Variants in ABCC11 observed in about 807,000 individuals in gnomAD.
The protein encoded by ABCC11 is ATP-binding cassette sub-family C member 11.
In ABCC11, 135 loss-of-function variants were observed where a neutral mutation model predicts 149.3. That is an observed-to-expected ratio of 0.90 (90% CI 0.79 to 1.04). The LOEUF (loss-of-function observed/expected upper bound fraction) is 1.04, where lower values mean the gene tolerates loss of function less well. ABCC11 is among the 50% of genes least tolerant of loss of function. ABCC11 has a pLI of 0.00. For synonymous variants in ABCC11, 665 were observed against 671.4 expected (o/e 0.99, Z 0.15); for missense variants, 1,680 against 1,722.1 (o/e 0.98, Z 0.43).
At chr16:48,174,066 C>T (rs1965882366) in intron 26 of ABCC11, among the ~76,000 whole-genome samples, 1 of 152,196 alleles carries the variant, frequency 6.6e-6, no homozygotes, top group Non-Finnish European at 1.5e-5. Context: ...TCTGGGAAGC[C>T]TTTCTGGATT....
intron 25 of ABCC11, 25 bp from the exon 26 acceptor site, chr16:48,175,442 C>T (rs1486049682): frequency 6.3e-7 from 1 of 1,591,738 alleles, no homozygotes; most frequent in Admixed American, 1.7e-5. Flanking sequence ...ACAAGCGGGG[C>T]CTCAGTTTCC....
intron 5 of ABCC11, 39 bp from the exon 6 acceptor site, chr16:48,222,870 T>G: frequency 6.6e-7 from 1 of 1,522,260 alleles, no homozygotes; most frequent in Non-Finnish European, 9.1e-7. Context: ...CAGACCACCC[T>G]GCCAGACACG....
At chr16:48,190,260 G>A (rs1328901064) in intron 20 of ABCC11, among the ~76,000 whole-genome samples, 2 of 152,110 alleles carry the variant, frequency 1.3e-5, no homozygotes, top group African/African-American at 2.4e-5. Flanking sequence ...ATTCTCTAAT[G>A]TAAGCCTCAT....
At chr16:48,232,679 G>A (rs888612403) in intron 1 of ABCC11, among the ~76,000 whole-genome samples, 18 of 152,226 alleles carry the variant, frequency 1.2e-4, no homozygotes, top group African/African-American at 4.3e-4. Flanking sequence ...TGAAGAGATG[G>A]AAAGAGAAAG....
intron 1 of ABCC11, among the ~76,000 whole-genome samples, chr16:48,235,363 T>C (rs1970635803): frequency 6.6e-6 from 1 of 152,154 alleles, no homozygotes; most frequent in African/African-American, 2.4e-5. Flanking sequence ...TGTTCACAAA[T>C]GTGTCTTTGG....
chr16:48,221,916 CTTT>C (rs747175603), intron 6 of ABCC11, among the ~76,000 whole-genome samples: 2 of 140,818 alleles, frequency 1.4e-5, no homozygotes, highest in Admixed American at 7.2e-5. Context: ...TAATTTTTGT[CTTT>C]TTTTTTTTTT....
chr16:48,240,035 C>T (rs187584418), intron 1 of ABCC11, among the ~76,000 whole-genome samples: 79 of 152,166 alleles, frequency 5.2e-4, no homozygotes, highest in East Asian at 1.7e-3. Context: ...TAGATGCTGG[C>T]GAGGTTGCAG....
At chr16:48,194,571 G>A (rs1385546530) in intron 18 of ABCC11, among the ~76,000 whole-genome samples, 1 of 152,206 alleles carries the variant, frequency 6.6e-6, no homozygotes, top group African/African-American at 2.4e-5. Context: ...CAAGGTGATG[G>A]TATTAGAAAG....
In ABCC11 at chr16:48,230,455, G is replaced by A. The variant is rs1231781480; in HGVS notation, c.218C>T (p.Pro73Leu). The A allele has an allele frequency of 1.2e-6, 2 of 1,609,044 alleles. No individual in the cohort carries two copies. The highest frequency in any genetic ancestry group is 2.2e-5 in the East Asian group (1 of 44,692). ...KYDAALRTMIPFRPKPRFPAP... is the reference protein window; with the variant it reads ...KYDAALRTMILFRPKPRFPAP... Reference sequence around the variant, plus strand: ...GACTCACCTCGGCTTGGGACGGAAGGGAATCATGGTTCTCAAGGCAGCATC... The same window carrying A: ...GACTCACCTCGGCTTGGGACGGAAGAGAATCATGGTTCTCAAGGCAGCATC... The change falls in exon 3 of 30, where the codon CCC becomes CTC. Residue 73 changes from proline to leucine, a missense_variant. Coordinates refer to ENST00000356608, the MANE Select transcript of ABCC11 (RefSeq NM_001370497.1).
rs1968868878 is a variant in ABCC11, at chr16:48,210,947, C to A, written c.1608+1G>T. ...TGCCTGCGTGGCCTGAACAAGGCTA[C>A]CTTGGACACCACCAGGTTGATCTTG... On this transcript the variant is annotated splice_donor_variant, in intron 11 of 29. Transcript: ENST00000356608. LOFTEE classifies it high-confidence loss of function. 6.2e-7 allele frequency: 1 copy of A among 1,613,942 alleles called. No individual in the cohort carries two copies.
At chr16:48,228,116 C>A (rs1009512941) in intron 3 of ABCC11, 152 bp from the exon 4 acceptor site, 4 of 726,318 alleles carry the variant, frequency 5.5e-6, no homozygotes, top group South Asian at 2.2e-5. Flanking sequence ...TCATAAACAA[C>A]AAAAGTGCCC....
intron 1 of ABCC11, among the ~76,000 whole-genome samples, chr16:48,242,111 C>A (rs576343434): frequency 6.6e-6 from 1 of 152,132 alleles, no homozygotes; most frequent in Admixed American, 6.5e-5. Flanking sequence ...AACAGGCAAC[C>A]TACAGAATGG....
chr16:48,170,209 A>T lies in ABCC11; in HGVS notation c.3787T>A (p.Phe1263Ile), dbSNP rs1470329533. The T allele has an allele frequency of 1.2e-6, 2 of 1,613,134 alleles. No individual in the cohort carries two copies. The highest frequency in any genetic ancestry group is 1.3e-5 in the African/African-American group (1 of 74,896). ...RTFLTKAISK[F>I]PKKLHTDVVE... is the part of the protein sequence containing the mutation. ...ACATCTGTATGCAGCTTTTTGGGGA[A>T]CTTTGAGATCTGCGATATGGGAAGA... Residue 1263 changes from phenylalanine (F) to isoleucine (I), a missense_variant, in exon 28 of 30, where the codon TTC (phenylalanine) becomes ATC (isoleucine). Transcript: ENST00000356608.
At chr16:48,211,676 C>A (rs1241999119) in intron 10 of ABCC11, among the ~76,000 whole-genome samples, 1 of 151,116 alleles carries the variant, frequency 6.6e-6, no homozygotes, top group Non-Finnish European at 1.5e-5. Flanking sequence ...AGACTTCCAT[C>A]TCTTTAAAAA....
At chr16:48,222,483 C>G in intron 6 of ABCC11, 115 bp downstream of exon 6, 1 of 833,124 alleles carries the variant, frequency 1.2e-6, no homozygotes, top group East Asian at 2.6e-5. Context: ...TATTTTCTTT[C>G]TCTTTCTCCT....
At position 48,216,100 on chromosome 16, in the gene ABCC11, G is replaced by A. The variant is rs11863233; in HGVS notation, c.951+14C>T. 0.096 allele frequency: 154,511 copies of A among 1,610,974 alleles called. 9,116 individuals carry two copies. Among genetic ancestry groups the A allele is most frequent in the African/African-American group, 0.28 (20,611 of 74,820 alleles). ...GGGGCCCAGCATCAAATGGGTGACA[G>A]AGAAAGACATTACCGCCAGTGGGAA... is the stretch of plus-strand genomic sequence containing the variant. On this transcript the variant is annotated intron_variant, in intron 7 of 29. Transcript: ENST00000356608.
chr16:48,239,454 C>T (rs148737336), intron 1 of ABCC11, among the ~76,000 whole-genome samples: 4,592 of 147,058 alleles, frequency 0.031, 101 homozygotes, highest in Non-Finnish European at 0.049. Flanking sequence ...CCCAGCTACT[C>T]GGGAGGCTGA....
chr16:48,230,371 T>G, intron 3 of ABCC11, 66 bp downstream of exon 3: 1 of 1,475,374 alleles, frequency 6.8e-7, no homozygotes, highest in Non-Finnish European at 9.0e-7. Flanking sequence ...GAGGTCTAGT[T>G]GGGAGGGTTG....
At chr16:48,191,948 C>T (rs1266732334) in intron 20 of ABCC11, among the ~76,000 whole-genome samples, 2 of 152,016 alleles carry the variant, frequency 1.3e-5, no homozygotes, top group African/African-American at 4.8e-5. Context: ...CCTGCATGTG[C>T]ACATGTACCC....
Sources: gnomAD v4.1 joint callset for allele counts (sites outside exome capture counted in the v4.1 genomes callset) on GRCh38, gnomAD v4.1.1 for gene constraint, MANE v1.5 for transcripts, NCBI Gene and HGNC (gene_info 2026-07-23, HGNC 2026-07-21) for gene names.